The following DAPK2 variants were observed in gnomAD, a reference collection of about 807,000 sequenced individuals.
The protein encoded by DAPK2 is death-associated protein kinase 2.
A neutral mutation model predicts 44.1 loss-of-function variants in DAPK2; 35 were observed. The observed-to-expected ratio is 0.79, with a 90% CI of 0.61 to 1.05. The LOEUF is 1.05. DAPK2 is among the 50% of genes least tolerant of loss of function. The pLI, the probability that DAPK2 is intolerant of heterozygous loss-of-function variation, is 0.00. For synonymous variants in DAPK2, 174 were observed against 182.6 expected, an observed-to-expected ratio of 0.95 and a Z score of 0.38; for missense variants, 453 against 483.2, an observed-to-expected ratio of 0.94 and a Z score of 0.59.
chr15:63,998,283 A>C (rs911994533), intron 1 of DAPK2, among the ~76,000 whole-genome samples: 1 of 152,192 alleles, frequency 6.6e-6, no homozygotes, highest in African/African-American at 2.4e-5. Flanking sequence ...ACAGGCCCAC[A>C]GAGCAGTCAT....
chr15:63,949,224 C>T (rs935239725), intron 3 of DAPK2, among the ~76,000 whole-genome samples: 1 of 152,236 alleles, frequency 6.6e-6, no homozygotes, highest in African/African-American at 2.4e-5. Flanking sequence ...CTGCTTCCTC[C>T]TCTGGGGTAG....
At chr15:63,997,429 G>C (rs2078978458) in intron 1 of DAPK2, among the ~76,000 whole-genome samples, 1 of 152,196 alleles carries the variant, frequency 6.6e-6, no homozygotes. Flanking sequence ...CCAGGTTCAA[G>C]CAATTCTCCT....
chr15:64,035,992 G>A (rs1271810536), intron 1 of DAPK2, among the ~76,000 whole-genome samples: 2 of 152,104 alleles, frequency 1.3e-5, no homozygotes, highest in Non-Finnish European at 2.9e-5. Context: ...TGTGGACCAG[G>A]CCAGGGCAAG....
chr15:63,925,144 A>G (rs1368869529), intron 7 of DAPK2, among the ~76,000 whole-genome samples: 4 of 152,222 alleles, frequency 2.6e-5, no homozygotes, highest in African/African-American at 4.8e-5. Context: ...AAATGCTCCA[A>G]TGAGCTTCCA....
intron 4 of DAPK2, among the ~76,000 whole-genome samples, chr15:63,935,089 CT>C (rs35739549): frequency 0.028 from 3,459 of 124,412 alleles, 79 homozygotes; most frequent in African/African-American, 0.071. Flanking sequence ...TCTTTGCCTT[CT>C]TTTTTTTTTT....
At chr15:63,924,184 TCTGGAAAGCCAGCAGCTGA>T (rs2079172102) in intron 8 of DAPK2, among the ~76,000 whole-genome samples, 1 of 152,112 alleles carries the variant, frequency 6.6e-6, no homozygotes. Flanking sequence ...CACAAGAGCC[TCTGGAAAGCCAGCAGCTGA>T]CTGGAAAGCC....
At chr15:64,036,328 T>TAC (rs1567290192) in intron 1 of DAPK2, among the ~76,000 whole-genome samples, 53 of 123,350 alleles carry the variant, frequency 4.3e-4, no homozygotes, top group African/African-American at 1.1e-3. Flanking sequence ...TGTATATATA[T>TAC]ATATATATAC....
chr15:64,017,879 C>T (rs761466523), intron 1 of DAPK2, among the ~76,000 whole-genome samples: 24 of 152,264 alleles, frequency 1.6e-4, no homozygotes, highest in Non-Finnish European at 2.9e-4. Flanking sequence ...GGACAAACAC[C>T]ACTGCTCCTT....
intron 4 of DAPK2, among the ~76,000 whole-genome samples, chr15:63,934,265 T>TTG (rs2077069653): frequency 7.2e-6 from 1 of 138,164 alleles, no homozygotes. Context: ...TTTTTTTTTT[T>TTG]TTTTTTTTTT....
intron 5 of DAPK2, among the ~76,000 whole-genome samples, chr15:63,930,076 G>A (rs1315621921): frequency 6.6e-6 from 1 of 152,216 alleles, no homozygotes; most frequent in African/African-American, 2.4e-5. Flanking sequence ...TTGGTTGGCT[G>A]ACTGAGCGAG....
At chr15:63,926,010 T>C in exon 7 of DAPK2, 1 of 1,614,222 alleles carries the variant, frequency 6.2e-7, no homozygotes, top group Non-Finnish European at 8.5e-7. Flanking sequence ...GAAGAATTCC[T>C]CATCAAAGTC....
At chr15:63,915,528 C>T (rs1316630138) in intron 8 of DAPK2, among the ~76,000 whole-genome samples, 1 of 152,178 alleles carries the variant, frequency 6.6e-6, no homozygotes, top group Non-Finnish European at 1.5e-5. Context: ...GGCACCCTCA[C>T]CCAGGGGAGG....
chr15:63,946,536 T>C (rs145590255), intron 3 of DAPK2, among the ~76,000 whole-genome samples: 5 of 152,280 alleles, frequency 3.3e-5, no homozygotes, highest in Non-Finnish European at 7.4e-5. Context: ...CAGCACCCAA[T>C]GAGATTTCAG....
rs531664065 is a variant in DAPK2, at chr15:63,989,350, C to T, written c.93-5596G>A. On this transcript the variant is annotated intron_variant, in intron 1 of 10. Transcript: ENST00000261891. ...TCATACCACTGCACTTCAGCCTGGG[C>T]GACAAGCAAGACTCCGTCTCTAAAA... Among the ~76,000 whole-genome samples the T allele has an allele frequency of 3.3e-5, 5 of 151,866 alleles. No individual in the cohort carries two copies. The South Asian group carries it at 6.3e-4, about 19-fold the overall frequency.
At chr15:63,943,197 G>A (rs1011209315) in intron 3 of DAPK2, among the ~76,000 whole-genome samples, 14 of 151,930 alleles carry the variant, frequency 9.2e-5, no homozygotes, top group Non-Finnish European at 1.8e-4. Context: ...GCAGAGGCAG[G>A]AGGATTGCTT....
At chr15:63,959,747 T>C (rs1292504108) in intron 3 of DAPK2, among the ~76,000 whole-genome samples, 1 of 152,200 alleles carries the variant, frequency 6.6e-6, no homozygotes, top group Non-Finnish European at 1.5e-5. Flanking sequence ...TGCTGCTGGA[T>C]TTGGTTTGCC....
At chr15:63,956,897 T>A (rs913452999) in intron 3 of DAPK2, among the ~76,000 whole-genome samples, 1 of 152,218 alleles carries the variant, frequency 6.6e-6, no homozygotes, top group Non-Finnish European at 1.5e-5. Flanking sequence ...AAAAATTTTT[T>A]AAAGACTTTT....
chr15:64,027,684 C>G (rs1255543375), intron 1 of DAPK2, among the ~76,000 whole-genome samples: 2 of 152,026 alleles, frequency 1.3e-5, no homozygotes, highest in African/African-American at 4.8e-5. Context: ...TTAAATTTCC[C>G]CACAGTGAAA....
chr15:63,909,302 T>G (rs370185160), intron 10 of DAPK2: 13 of 152,062 alleles, frequency 8.5e-5, no homozygotes, highest in African/African-American at 3.1e-4. Context: ...TCAATTCCAG[T>G]GCTTCCTAAA....
Sources: gnomAD v4.1 joint callset for allele counts (sites outside exome capture counted in the v4.1 genomes callset) on GRCh38, gnomAD v4.1.1 for gene constraint, MANE v1.5 for transcripts, NCBI Gene and HGNC (gene_info 2026-07-23, HGNC 2026-07-21) for gene names.